The following TIAM2 variants were observed in gnomAD, a reference collection of about 807,000 sequenced individuals.
TIAM2 encodes TIAM Rac1 associated GEF 2, also known as rho guanine nucleotide exchange factor TIAM2.
In TIAM2, 80 loss-of-function variants were observed where a neutral mutation model predicts 152.9. The observed-to-expected ratio is 0.52, with a 90% CI of 0.44 to 0.63. TIAM2 has a LOEUF of 0.63. Among genes scored for constraint, TIAM2 ranks in the 30% least tolerant of loss-of-function variants. The probability of loss-of-function intolerance (pLI) is 0.00; values close to 1 mark genes in which losing one functional copy is unlikely to be tolerated. For synonymous variants in TIAM2, 804 were observed against 838.0 expected, an observed-to-expected ratio of 0.96 and a Z score of 0.70; for missense variants, 1,965 against 2,120.1, an observed-to-expected ratio of 0.93 and a Z score of 1.44.
At chr6:155,069,594 C>T (rs367620383) in intron 1 of TIAM2, among the ~76,000 whole-genome samples, 1 of 149,416 alleles carries the variant, frequency 6.7e-6, no homozygotes, top group South Asian at 2.1e-4. Flanking sequence ...AAGAAGTAGA[C>T]ATAAGGAATT....
chr6:155,119,314 C>T (rs4870358), intron 2 of TIAM2, among the ~76,000 whole-genome samples: 1 of 151,690 alleles, frequency 6.6e-6, no homozygotes, highest in African/African-American at 2.4e-5. Context: ...GGATTACAGG[C>T]GTGAGCCACT....
At chr6:155,212,879 A>G (rs1034968665) in intron 15 of TIAM2, among the ~76,000 whole-genome samples, 9 of 152,292 alleles carry the variant, frequency 5.9e-5, no homozygotes, top group African/African-American at 2.2e-4. Flanking sequence ...TGGGGCAGGC[A>G]GCAGCTGCAG....
At position 155,183,342 on chromosome 6, in the gene TIAM2, C is replaced by T. The variant is rs1363624137; in HGVS notation, c.2906C>T (p.Thr969Ile). ...TTTTCTGAGAAGAGCGTCGGACTCA[C>T]TCTGATTGCCCGGCCTCCGGACACA... Reference protein sequence around the residue: ...ALFSEKSVGLTLIARPPDTKA... With the variant: ...ALFSEKSVGLILIARPPDTKA... Residue 969 changes from threonine (T) to isoleucine (I), a missense_variant, in exon 14 of 27, where the codon ACT becomes ATT. Thr to Ile is a moderately conservative substitution (Grantham distance 89). Around this residue, in one of 3 missense-constraint regions of TIAM2, gnomAD observed 935 missense variants for 980.0 expected, o/e 0.95. Transcript: ENST00000682666. 1.9e-6 allele frequency: 3 copies of T among 1,613,126 alleles called. No homozygotes were observed. Among genetic ancestry groups the T allele is most frequent in the Non-Finnish European group, 2.5e-6 (3 of 1,179,710 alleles).
At chr6:155,099,757 A>G (rs947117635) in intron 2 of TIAM2, among the ~76,000 whole-genome samples, 5 of 152,224 alleles carry the variant, frequency 3.3e-5, no homozygotes, top group Non-Finnish European at 5.9e-5. Flanking sequence ...GTCATGTATC[A>G]CTTGACAATG....
At chr6:155,073,232 G>T (rs557552858) in intron 1 of TIAM2, among the ~76,000 whole-genome samples, 1 of 140,988 alleles carries the variant, frequency 7.1e-6, no homozygotes. Flanking sequence ...GCACAATCTC[G>T]GCTCACTGCA....
At chr6:155,191,816 A>C (rs1013328333) in intron 14 of TIAM2, among the ~76,000 whole-genome samples, 54 of 152,088 alleles carry the variant, frequency 3.6e-4, no homozygotes, top group African/African-American at 1.2e-3. Flanking sequence ...CAACAAAAAA[A>C]AAAAATTGGG....
intron 14 of TIAM2, among the ~76,000 whole-genome samples, chr6:155,190,417 G>T (rs1781169169): frequency 6.6e-6 from 1 of 152,246 alleles, no homozygotes; most frequent in Non-Finnish European, 1.5e-5. Flanking sequence ...CTCCACTAAA[G>T]TGTGGTCCTC....
intron 2 of TIAM2, among the ~76,000 whole-genome samples, chr6:155,095,843 G>A (rs940028296): frequency 6.6e-6 from 1 of 152,144 alleles, no homozygotes; most frequent in Non-Finnish European, 1.5e-5. Context: ...AATTAGATCT[G>A]GGCAGATTAC....
At chr6:155,076,305 G>A (rs1172780946) in intron 1 of TIAM2, among the ~76,000 whole-genome samples, 2 of 151,936 alleles carry the variant, frequency 1.3e-5, no homozygotes, top group African/African-American at 4.8e-5. Flanking sequence ...AATAAATGTG[G>A]GTGTCATCCT....
intron 1 of TIAM2, among the ~76,000 whole-genome samples, chr6:155,004,637 G>A (rs532094562): frequency 7.2e-5 from 11 of 152,166 alleles, no homozygotes; most frequent in African/African-American, 2.6e-4. Context: ...CTTGTGATCT[G>A]CCCGCCTCGG....
intron 1 of TIAM2, among the ~76,000 whole-genome samples, chr6:155,063,028 G>A (rs974283909): frequency 6.6e-6 from 1 of 152,094 alleles, no homozygotes. Flanking sequence ...TCTTATTGTT[G>A]AGGTTTAACA....
rs1780707653 is a variant in TIAM2, at chr6:155,174,282, A to G, written c.2362-2534A>G. On this transcript the variant is annotated intron_variant, in intron 9 of 26. Coordinates refer to ENST00000682666, the MANE Select transcript of TIAM2 (RefSeq NM_012454.4). The surrounding 1 kb of genome is among the most constrained non-coding windows in gnomAD (Gnocchi z 4.2). Reference sequence around the variant, plus strand: ...TTTCTTGCCTTTTCCATAGGAAGTGATGATGGTGCCTTCCTGAGAGGGCTG... The same window carrying G: ...TTTCTTGCCTTTTCCATAGGAAGTGGTGATGGTGCCTTCCTGAGAGGGCTG... Among the ~76,000 whole-genome samples the G allele has an allele frequency of 6.6e-6, 1 of 151,984 alleles. No homozygotes were observed. The highest frequency in any genetic ancestry group is 1.5e-5 in the Non-Finnish European group (1 of 68,026).
At chr6:155,166,468 T>A (rs1780439290) in intron 9 of TIAM2, among the ~76,000 whole-genome samples, 1 of 151,890 alleles carries the variant, frequency 6.6e-6, no homozygotes, top group Non-Finnish European at 1.5e-5. Flanking sequence ...GGACTATAGG[T>A]GCACACCACC....
At chr6:155,090,973 G>A (rs912615303) in intron 2 of TIAM2, among the ~76,000 whole-genome samples, 19 of 152,076 alleles carry the variant, frequency 1.2e-4, no homozygotes, top group Admixed American at 2.6e-4. Flanking sequence ...GTTCCCCAGC[G>A]GCGTTTGAAA....
At position 155,245,631 on chromosome 6, in the gene TIAM2, G is replaced by T. The variant is rs1417768602; in HGVS notation, c.3552G>T (p.Leu1184=). ...CCCCTCTGCCCTTCTAGAAATTACT[G>T]TTTTCCCTTGGAGGCTCTTTCCTTT... ...LETPSQFRKL[L]FSLGGSFLYY... is the part of the protein sequence containing the mutation. The change falls in exon 19 of 27, where the codon CTG becomes CTT. Residue 1184 remains leucine, a synonymous_variant. Transcript: ENST00000682666. 1.9e-6 allele frequency: 3 copies of T among 1,613,534 alleles called. No individual in the cohort carries two copies. Among genetic ancestry groups the T allele is most frequent in the Admixed American group, 3.3e-5 (2 of 59,960 alleles).
At chr6:155,062,842 T>G (rs1777616852) in intron 1 of TIAM2, among the ~76,000 whole-genome samples, 1 of 152,170 alleles carries the variant, frequency 6.6e-6, no homozygotes, top group Non-Finnish European at 1.5e-5. Flanking sequence ...CCCAAAGTGC[T>G]GGGATTACAG....
In TIAM2 at chr6:155,212,981, T is replaced by C. The variant is rs1012847234; in HGVS notation, c.3168+1674T>C. On this transcript the variant is annotated intron_variant, in intron 15 of 26. Transcript: ENST00000682666. ...ATGGCCTGCATCAGTACCTGGAAGC[T>C]TGGAGATGCCAGGAACCGCTGAGCC... Among the ~76,000 whole-genome samples the C allele has an allele frequency of 3.9e-5, 6 of 152,184 alleles. No homozygotes were observed. The East Asian group carries it at 1.2e-3, about 29-fold the overall frequency.
chr6:155,244,932 C>A, intron 18 of TIAM2, 149 bp downstream of exon 18: 1 of 1,045,122 alleles, frequency 9.6e-7, no homozygotes, highest in Non-Finnish European at 1.3e-6. Context: ...CCGTTTTCCT[C>A]TGTCAGGTGG....
At chr6:155,249,071 A>G (rs942604688) in intron 20 of TIAM2, among the ~76,000 whole-genome samples, 4 of 152,224 alleles carry the variant, frequency 2.6e-5, no homozygotes, top group Middle Eastern at 3.2e-3. Flanking sequence ...TTCATTTTGT[A>G]TTAAGATGAT....
Sources: allele counts gnomAD v4.1 joint callset (sites outside exome capture counted in the v4.1 genomes callset), GRCh38; gene constraint gnomAD v4.1.1; regional missense constraint gnomAD v4.1.1; non-coding constraint Gnocchi (gnomAD v3.1); transcripts MANE v1.5; gene names NCBI Gene and HGNC (gene_info 2026-07-23, HGNC 2026-07-21).